The following ZDBF2 variants were observed in gnomAD, a reference collection of about 807,000 sequenced individuals.
ZDBF2 encodes DBF4-type zinc finger-containing protein 2.
A neutral mutation model predicts 9.4 loss-of-function variants in ZDBF2; 6 were observed. That is an observed-to-expected ratio of 0.64 (90% CI 0.35 to 1.27). The LOEUF (loss-of-function observed/expected upper bound fraction) is 1.27. ZDBF2 is among the 50% of genes most tolerant of loss of function. ZDBF2 has a pLI of 0.03. For synonymous variants in ZDBF2, 905 were observed against 946.3 expected (o/e 0.96, Z 0.80); for missense variants, 2,697 against 2,766.8 (o/e 0.97, Z 0.57).
intron 3 of ZDBF2, chr2:206,291,930 A>G (rs775212039): frequency 1.0e-5 from 4 of 394,308 alleles, no homozygotes; most frequent in Non-Finnish European, 1.8e-5. Flanking sequence ...AGAATTCTCT[A>G]CTCAATACGT....
intron 3 of ZDBF2, among the ~76,000 whole-genome samples, chr2:206,287,127 GT>G (rs1234504229): frequency 6.6e-6 from 1 of 152,136 alleles, no homozygotes; most frequent in Non-Finnish European, 1.5e-5. Context: ...GGGGTTGGAT[GT>G]CTTTTCTCTT....
rs1034075387 is a variant in ZDBF2, at chr2:206,276,745, AG to A, written c.-103+1800del. Among the ~76,000 whole-genome samples the A allele has an allele frequency of 3.3e-5, 5 of 152,216 alleles. 1 individual carries two copies. The highest frequency in any genetic ancestry group is 2.6e-4 in the Admixed American group (4 of 15,282). ...ATTAATCATGGCAGCTACCTTATAA[AG>A]CTGTTTGTTATTTAGATGAGATAAT... On this transcript the variant is annotated intron_variant, in intron 1 of 4. Transcript: ENST00000374423.
intron 4 of ZDBF2, among the ~76,000 whole-genome samples, chr2:206,302,697 GT>G (rs1017098201): frequency 1.1e-4 from 17 of 152,094 alleles, no homozygotes; most frequent in African/African-American, 3.9e-4. Flanking sequence ...AATTAGAATT[GT>G]TTTTTGCTGC....
rs1169004480 is a variant in ZDBF2 at position 206,307,245 on chromosome 2, A to G, written c.2717A>G (p.Asn906Ser). The G allele has an allele frequency of 6.2e-7, 1 of 1,606,256 alleles. No homozygotes were observed. Among genetic ancestry groups the G allele is most frequent in the African/African-American group, 1.3e-5 (1 of 74,296 alleles). Reference protein sequence around the residue: ...PQKEEQVHLENKENEPIDSEV... With the variant: ...PQKEEQVHLESKENEPIDSEV... ...AAAGAAGAGCAGGTACACTTAGAAA[A>G]TAAGGAAAATGAACCTATTGATTCT... The change falls in exon 5 of 5, where the codon AAT becomes AGT. Residue 906 changes from asparagine to serine, a missense_variant. By Grantham distance (46) the Asn-to-Ser change is conservative. This residue lies in a region of ZDBF2 where 1,783 missense variants were observed against 1,776.5 expected (regional missense o/e 1.00). Coordinates refer to ENST00000374423, the MANE Select transcript of ZDBF2 (RefSeq NM_020923.3).
Position 206,274,966 on chromosome 2 carries a change from C to CG in ZDBF2, c.-103+24dup, listed in dbSNP as rs1690898578. 6.7e-6 allele frequency: 1 copy of CG among 149,972 alleles called. No homozygotes were observed. The highest frequency in any genetic ancestry group is 2.4e-5 in the African/African-American group (1 of 41,262). The allele number at this position is 149,972 out of a possible 1,614,324, so 9.3% of individuals were successfully genotyped here. Reference sequence around the variant, plus strand: ...GCGGAGGTGAGTGCCGCGGCGGGGGCGGGGCGCGGCCGGGGCGACGCCCGC... The same window carrying CG: ...GCGGAGGTGAGTGCCGCGGCGGGGGCGGGGGCGCGGCCGGGGCGACGCCCGC... On this transcript the variant is annotated intron_variant, in intron 1 of 4. Transcript: ENST00000374423.
At chr2:206,303,813 C>G (rs962502945) in intron 4 of ZDBF2, among the ~76,000 whole-genome samples, 2 of 152,092 alleles carry the variant, frequency 1.3e-5, no homozygotes, top group Admixed American at 1.3e-4. Flanking sequence ...TAAATGGTAG[C>G]TTTCTGTGTA....
chr2:206,282,510 G>A (rs1221630775), intron 3 of ZDBF2, among the ~76,000 whole-genome samples: 2 of 152,168 alleles, frequency 1.3e-5, no homozygotes, highest in African/African-American at 4.8e-5. Flanking sequence ...TGGGCTTCTA[G>A]TATACCCATT....
At chr2:206,293,880 TTTC>T (rs148693540) in intron 3 of ZDBF2, among the ~76,000 whole-genome samples, 1 of 152,140 alleles carries the variant, frequency 6.6e-6, no homozygotes, top group East Asian at 1.9e-4. Context: ...GACCCCGAAG[TTTC>T]ACTCCTAATA....
chr2:206,276,110 G>A (rs1690985775), intron 1 of ZDBF2, among the ~76,000 whole-genome samples: 1 of 151,964 alleles, frequency 6.6e-6, no homozygotes, highest in East Asian at 1.9e-4. Context: ...GTCATGACTA[G>A]CATTTAAAAA....
In ZDBF2 at chr2:206,307,344, G is replaced by A. The variant is rs1230210423; in HGVS notation, c.2816G>A (p.Ser939Asn). 6.2e-7 allele frequency: 1 copy of A among 1,612,934 alleles called. No homozygotes were observed. The highest frequency in any genetic ancestry group is 2.2e-5 in the East Asian group (1 of 44,862). ...TCTGAAGATCCCATTAAAGAAATAAGCCTTCACACAAAAGAGCACATGTAC... is the reference window on the plus strand; with the variant it reads ...TCTGAAGATCCCATTAAAGAAATAAACCTTCACACAAAAGAGCACATGTAC... ...GRSEDPIKEI[S>N]LHTKEHMYLE... Residue 939 changes from serine to asparagine, a missense_variant, in exon 5 of 5, where the codon AGC becomes AAC. Physicochemically the swap from Ser to Asn is conservative, Grantham distance 46. This residue lies in a region of ZDBF2 where 1,783 missense variants were observed against 1,776.5 expected (regional missense o/e 1.00). Transcript: ENST00000374423.
At chr2:206,288,490 C>A (rs1163445183) in intron 3 of ZDBF2, among the ~76,000 whole-genome samples, 1 of 152,108 alleles carries the variant, frequency 6.6e-6, no homozygotes, top group Non-Finnish European at 1.5e-5. Context: ...TGAGTAGATC[C>A]CTCTTGGTGT....
chr2:206,278,265 T>C (rs1393007767), intron 1 of ZDBF2, among the ~76,000 whole-genome samples: 1 of 152,216 alleles, frequency 6.6e-6, no homozygotes, highest in Non-Finnish European at 1.5e-5. Flanking sequence ...ATTAAATGTG[T>C]ATTTTCTTAT....
chr2:206,295,574 T>C (rs1692129517), intron 3 of ZDBF2, among the ~76,000 whole-genome samples: 1 of 151,970 alleles, frequency 6.6e-6, no homozygotes, highest in African/African-American at 2.4e-5. Flanking sequence ...GGGTTTCGTC[T>C]TGTTGGCCAG....
chr2:206,277,643 T>C (rs1280386220), intron 1 of ZDBF2, among the ~76,000 whole-genome samples: 1 of 151,502 alleles, frequency 6.6e-6, no homozygotes, highest in African/African-American at 2.4e-5. Context: ...ATTTTTGTTC[T>C]GCTTTAGAGG....
At chr2:206,278,750 A>G (rs2105893635) in intron 1 of ZDBF2, among the ~76,000 whole-genome samples, 3 of 152,342 alleles carry the variant, frequency 2.0e-5, no homozygotes, top group South Asian at 4.1e-4. Context: ...CCGTATCCAC[A>G]GTGGCATCCC....
Position 206,314,403 on chromosome 2 carries a change from A to G in ZDBF2, c.*2810A>G, listed in dbSNP as rs1386750790. On this transcript the variant is annotated 3_prime_UTR_variant, in exon 5 of 5. Coordinates refer to ENST00000374423, the MANE Select transcript of ZDBF2 (RefSeq NM_020923.3). ...GCTAAACTTGTTTTTGATGTTATCA[A>G]GATAAAATTTATTAAACCTTGAAAT... 1 of 152,120 alleles carries G rather than the reference A, an allele frequency of 6.6e-6. No individual in the cohort carries two copies. The highest frequency in any genetic ancestry group is 1.9e-4 in the East Asian group (1 of 5,200). The allele number at this position is 152,120 out of a possible 1,614,324, so 9.4% of individuals were successfully genotyped here.
rs1692802656 is a variant in ZDBF2, at chr2:206,306,444, C to T, written c.1916C>T (p.Ser639Phe). ...TCACTTGGGACAGTTGCAGATGAAT[C>T]CCAGAGGGCTGTTGAAAAGATAAAT... ...DVSLGTVADE[S>F]QRAVEKINLL... The change falls in exon 5 of 5, where the codon TCC becomes TTC. Residue 639 changes from serine to phenylalanine, a missense_variant. Coordinates refer to ENST00000374423, the MANE Select transcript of ZDBF2 (RefSeq NM_020923.3). The T allele has an allele frequency of 1.2e-6, 2 of 1,613,672 alleles. No homozygotes were observed. Among genetic ancestry groups the T allele is most frequent in the Admixed American group, 1.7e-5 (1 of 59,984 alleles).
chr2:206,308,084 G>A lies in ZDBF2; in HGVS notation c.3556G>A (p.Glu1186Lys). Reference protein sequence around the residue: ...QITILEQEHIELEGKHNQCCG... With the variant: ...QITILEQEHIKLEGKHNQCCG... ...AACTATTTTGGAGCAGGAGCACATT[G>A]AACTAGAAGGTAAGCACAATCAATG... is the stretch of plus-strand genomic sequence containing the variant. The change falls in exon 5 of 5, where the codon GAA (glutamate) becomes AAA (lysine). Residue 1186 changes from glutamate (E) to lysine (K), a missense_variant. Transcript: ENST00000374423. The A allele has an allele frequency of 6.2e-7, 1 of 1,613,970 alleles. No homozygotes were observed. Among genetic ancestry groups the A allele is most frequent in the Non-Finnish European group, 8.5e-7 (1 of 1,179,854 alleles).
Position 206,308,409 on chromosome 2 carries a change from A to G in ZDBF2, c.3881A>G (p.Gln1294Arg), listed in dbSNP as rs757027904. ...RINFDSHEPLQSVTNKIPGAN... is the reference protein window; with the variant it reads ...RINFDSHEPLRSVTNKIPGAN... ...AATTTTGATTCTCATGAACCCCTTC[A>G]GTCCGTAACTAATAAAATTCCAGGG... Residue 1294 changes from glutamine (Q) to arginine (R), a missense_variant, in exon 5 of 5, where the codon CAG becomes CGG. By Grantham distance (43) the Gln-to-Arg change is conservative. Around this residue, in one of 3 missense-constraint regions of ZDBF2, gnomAD observed 1,783 missense variants for 1,776.5 expected, o/e 1.00. Coordinates refer to ENST00000374423, the MANE Select transcript of ZDBF2 (RefSeq NM_020923.3). 1 of 1,613,250 alleles carries G rather than the reference A, an allele frequency of 6.2e-7. No homozygotes were observed. The highest frequency in any genetic ancestry group is 8.5e-7 in the Non-Finnish European group (1 of 1,179,648).
Sources: gnomAD v4.1 joint callset for allele counts (sites outside exome capture counted in the v4.1 genomes callset) on GRCh38, gnomAD v4.1.1 for gene constraint, gnomAD v4.1.1 regional missense constraint, MANE v1.5 for transcripts, NCBI Gene and HGNC (gene_info 2026-07-23, HGNC 2026-07-21) for gene names.